ZNF248: variants seen among roughly 807,000 people sequenced by gnomAD.
ZNF248 encodes zinc finger protein 248, also known as KRAB protein domain.
Under a neutral mutation model 44.3 loss-of-function variants are expected in ZNF248, and 20 were observed. The ratio of observed to expected loss-of-function variants is 0.45; its 90% confidence interval spans 0.32 to 0.66. The LOEUF is 0.66. Ranked by LOEUF, ZNF248 falls within the 30% of genes least tolerant of loss-of-function variation. ZNF248 has a pLI of 0.04. For missense variants in ZNF248, 654 were observed against 677.0 expected (o/e 0.97, Z 0.38); for synonymous variants, 224 against 229.0 (o/e 0.98, Z 0.20).
intron 6 of ZNF248, among the ~76,000 whole-genome samples, chr10:37,778,673 T>C (rs1403344970): frequency 6.6e-6 from 1 of 152,202 alleles, no homozygotes; most frequent in Non-Finnish European, 1.5e-5. Context: ...GTCTAACGTT[T>C]AAGTCTTTAA....
At chr10:37,845,002 T>TCTCCCTCC (rs1564641061) in intron 3 of ZNF248, among the ~76,000 whole-genome samples, 1 of 37,630 alleles carries the variant, frequency 2.7e-5, no homozygotes, top group Non-Finnish European at 5.4e-5. Context: ...TCTCCTTCCC[T>TCTCCCTCC]CCTTCTCTCT....
Position 37,832,984 on chromosome 10 carries a change from T to C in ZNF248, c.371A>G (p.Asn124Ser). The change falls in exon 6 of 6, where the codon AAT becomes AGT. Residue 124 changes from asparagine to serine, a missense_variant. Asn to Ser is a conservative substitution (Grantham distance 46). Coordinates refer to ENST00000395867, the MANE Select transcript of ZNF248 (RefSeq NM_021045.3). ...ENGDRGSKTF[N>S]LGTDPVSLRN... ...TAAAGAAACAGGGTCTGTGCCCAAA[T>C]TGAAAGTTTTGCTTCCTCTATCTCC... 2 of 1,613,814 alleles carry C rather than the reference T, an allele frequency of 1.2e-6. No individual in the cohort carries two copies. The highest frequency in any genetic ancestry group is 1.6e-4 in the Middle Eastern group (1 of 6,062).
At chr10:37,772,833 T>A (rs923950303), downstream of ZNF248, among the ~76,000 whole-genome samples, 3 of 152,224 alleles carry the variant, frequency 2.0e-5, no homozygotes, top group African/African-American at 7.2e-5. Context: ...AGTAACAGCG[T>A]TCCACATTTC....
At chr10:37,853,003 A>G (rs924696485) in intron 3 of ZNF248, among the ~76,000 whole-genome samples, 1 of 152,066 alleles carries the variant, frequency 6.6e-6, no homozygotes, top group Non-Finnish European at 1.5e-5. Context: ...CTGGGACTAC[A>G]GATGTGCGCC....
At chr10:37,834,543 C>T (rs1483639178) in intron 5 of ZNF248, among the ~76,000 whole-genome samples, 1 of 152,062 alleles carries the variant, frequency 6.6e-6, no homozygotes, top group African/African-American at 2.4e-5. Context: ...TCAAAATACC[C>T]AAATTAGTAA....
At chr10:37,799,951 T>C (rs1245774581) in intron 6 of ZNF248, among the ~76,000 whole-genome samples, 3 of 151,962 alleles carry the variant, frequency 2.0e-5, no homozygotes, top group Non-Finnish European at 4.4e-5. Flanking sequence ...CTCATGCTTG[T>C]TTTCCCAGCA....
intron 6 of ZNF248, among the ~76,000 whole-genome samples, chr10:37,792,973 T>C (rs1258914258): frequency 3.9e-5 from 6 of 152,186 alleles, no homozygotes; most frequent in Non-Finnish European, 1.5e-5. Flanking sequence ...TTGTATATAA[T>C]GATAACATCA....
At chr10:37,766,258 T>C in the ZNF248 span, among the ~76,000 whole-genome samples, 3 of 152,036 alleles carry the variant, frequency 2.0e-5, no homozygotes, top group South Asian at 2.1e-4. Flanking sequence ...TTGAAGAGAG[T>C]AGTGGTTCTC....
intron 1 of ZNF248, 196 bp downstream of exon 1, chr10:37,856,988 AC>A (rs1184285582): frequency 6.6e-6 from 1 of 152,524 alleles, no homozygotes. Context: ...ACCTGACTGC[AC>A]TACCATCCGG....
chr10:37,820,966 T>C, intron 6 of ZNF248: 1 of 1,594,944 alleles, frequency 6.3e-7, no homozygotes. Flanking sequence ...GTCCAGGCTA[T>C]GCAATTCTTC....
rs550807759 is a variant in ZNF248 at position 37,849,665 on chromosome 10, C to T, written c.15+6631G>A. ...GCACACCACTGCACTCTAGCCTCGG[C>T]AACAGAATGAGACTGTCTCAAAAAA... On this transcript the variant is annotated intron_variant, in intron 3 of 5. Coordinates refer to ENST00000395867, the MANE Select transcript of ZNF248 (RefSeq NM_021045.3). Among the ~76,000 whole-genome samples, 8 of 148,730 alleles carry T rather than the reference C, an allele frequency of 5.4e-5. No individual in the cohort carries two copies. The South Asian group carries it at 1.5e-3, about 28-fold the overall frequency.
the ZNF248 span, among the ~76,000 whole-genome samples, chr10:37,769,756 G>T: frequency 1.3e-5 from 2 of 152,106 alleles, no homozygotes; most frequent in Admixed American, 6.6e-5. Context: ...CAACATAGTG[G>T]TGGAAGTTCT....
rs2057521761 is a variant in ZNF248, at chr10:37,837,809, C to T, written c.143-97G>A. 2.2e-6 allele frequency: 3 copies of T among 1,382,110 alleles called. No individual in the cohort carries two copies. The South Asian group carries it at 3.9e-5, about 18-fold the overall frequency. 85.6% of individuals were successfully genotyped at this position (1,382,110 alleles called of 1,614,324 possible). On this transcript the variant is annotated intron_variant, in intron 4 of 5. Transcript: ENST00000395867. ...AAGAAAGGCACAGCTTCACCAGCTA[C>T]TCAAAGAATGTGCACAAATGAACCA...
chr10:37,773,067 C>G (rs989463918), downstream of ZNF248, among the ~76,000 whole-genome samples: 16 of 152,098 alleles, frequency 1.1e-4, no homozygotes, highest in East Asian at 3.1e-3. Flanking sequence ...GCCAACATGG[C>G]GAAACCCCGT....
chr10:37,780,397 G>C (rs576679261), intron 6 of ZNF248, among the ~76,000 whole-genome samples: 2 of 152,274 alleles, frequency 1.3e-5, no homozygotes, highest in South Asian at 2.1e-4. Context: ...ACAAACCTGA[G>C]AAAAAGAAGC....
Position 37,830,230 on chromosome 10 carries a change from T to C in ZNF248, c.*1385A>G. On this transcript the variant is annotated 3_prime_UTR_variant, in exon 6 of 6. Coordinates refer to ENST00000395867, the MANE Select transcript of ZNF248 (RefSeq NM_021045.3). ...ATAATTTATGTAAAAACCATTCTTA[T>C]TAACAACATTTACATTACAGAATGA... The C allele has an allele frequency of 4.1e-6, 4 of 985,402 alleles. No homozygotes were observed. Among genetic ancestry groups the C allele is most frequent in the Non-Finnish European group, 4.8e-6 (4 of 829,938 alleles). The allele number at this position is 985,402 out of a possible 1,614,324, so 61.0% of individuals were successfully genotyped here.
intron 3 of ZNF248, among the ~76,000 whole-genome samples, chr10:37,842,220 A>C (rs1487454976): frequency 1.3e-5 from 2 of 152,136 alleles, no homozygotes. Context: ...ATAAGAAAGA[A>C]ACATACAAGA....
chr10:37,801,085 T>C (rs1564489335), intron 6 of ZNF248, among the ~76,000 whole-genome samples: 3 of 151,782 alleles, frequency 2.0e-5, no homozygotes, highest in South Asian at 4.2e-4. Context: ...TAAAAAAATA[T>C]CATTATATTT....
chr10:37,781,587 C>T (rs1004797101), intron 6 of ZNF248, among the ~76,000 whole-genome samples: 1 of 152,212 alleles, frequency 6.6e-6, no homozygotes, highest in African/African-American at 2.4e-5. Flanking sequence ...TCTGTTAACC[C>T]AGTCTGGGCC....
Sources: gnomAD v4.1 joint callset for allele counts (sites outside exome capture counted in the v4.1 genomes callset) on GRCh38, gnomAD v4.1.1 for gene constraint, MANE v1.5 for transcripts, NCBI Gene and HGNC (gene_info 2026-07-23, HGNC 2026-07-21) for gene names.